The following EBF1 variants were observed in gnomAD, a reference collection of about 807,000 sequenced individuals.
EBF1 encodes EBF transcription factor 1.
EBF1 carries 10 observed loss-of-function variants against 68.4 expected under a neutral mutation model. That is an observed-to-expected ratio of 0.15 (90% CI 0.09 to 0.25). The LOEUF (loss-of-function observed/expected upper bound fraction) is 0.25, where lower values mean the gene tolerates loss of function less well. Among genes scored for constraint, EBF1 ranks in the 10% least tolerant of loss-of-function variants. The pLI, the probability that EBF1 is intolerant of heterozygous loss-of-function variation, is 1.00. For missense variants in EBF1, 509 were observed against 794.4 expected (o/e 0.64, Z 4.32); for synonymous variants, 298 against 299.8 (o/e 0.99, Z 0.06).
At chr5:158,711,275 T>G (rs1035531035) in intron 14 of EBF1, among the ~76,000 whole-genome samples, 1 of 152,194 alleles carries the variant, frequency 6.6e-6, no homozygotes, top group Non-Finnish European at 1.5e-5. Context: ...TTTTATTCCA[T>G]TGGAATTTTT....
intron 6 of EBF1, among the ~76,000 whole-genome samples, chr5:158,875,280 G>C (rs149320471): frequency 6.6e-6 from 1 of 152,262 alleles, no homozygotes; most frequent in East Asian, 1.9e-4. Flanking sequence ...GAGGAAGAAG[G>C]ACAAACAATT....
At chr5:158,851,304 G>A (rs1792595568) in intron 6 of EBF1, among the ~76,000 whole-genome samples, 1 of 146,246 alleles carries the variant, frequency 6.8e-6, no homozygotes, top group Non-Finnish European at 1.5e-5. Flanking sequence ...GAACCTAGGA[G>A]GTAGAAGTTG....
At chr5:158,937,060 C>T (rs1812169900) in intron 6 of EBF1, among the ~76,000 whole-genome samples, 1 of 151,862 alleles carries the variant, frequency 6.6e-6, no homozygotes, top group Non-Finnish European at 1.5e-5. Context: ...TCATTTCAGT[C>T]TCTCGGTGGC....
chr5:158,802,720 A>T (rs1446453634), intron 8 of EBF1, among the ~76,000 whole-genome samples: 1 of 152,178 alleles, frequency 6.6e-6, no homozygotes, highest in Non-Finnish European at 1.5e-5. Flanking sequence ...ACCTTGAAAC[A>T]GTCTCTTACC....
chr5:159,076,555 A>G (rs1296799871), intron 5 of EBF1, among the ~76,000 whole-genome samples: 2 of 152,202 alleles, frequency 1.3e-5, no homozygotes, highest in African/African-American at 4.8e-5. Flanking sequence ...AGAAGGAAAT[A>G]TAGAAATGAA....
chr5:158,727,382 A>G (rs971113610), intron 11 of EBF1, among the ~76,000 whole-genome samples: 3 of 152,154 alleles, frequency 2.0e-5, no homozygotes, highest in African/African-American at 7.2e-5. Flanking sequence ...TCCTTGCCCA[A>G]TGTGTCTGGA....
chr5:158,761,894 C>T (rs917929722), intron 10 of EBF1, among the ~76,000 whole-genome samples: 10 of 152,012 alleles, frequency 6.6e-5, no homozygotes, highest in African/African-American at 2.4e-4. Flanking sequence ...ATGTAAAAGC[C>T]TATGGAACTT....
In EBF1 at chr5:158,897,559, T is replaced by G. The variant is rs142411307; in HGVS notation, c.555-57449A>C. 5.7e-3 allele frequency among the ~76,000 whole-genome samples: 873 copies of G among 152,118 alleles called. 8 individuals are homozygous for G. Among genetic ancestry groups the G allele is most frequent in the African/African-American group, 0.02 (826 of 41,480 alleles). On this transcript the variant is annotated intron_variant, in intron 6 of 15. Coordinates refer to ENST00000313708, the MANE Select transcript of EBF1 (RefSeq NM_024007.5). The stretch of plus-strand genomic sequence containing the variant: ...AACAAACCTGCACATCCTGCACATG[T>G]GGCCCTGAACTTAAACGTTAAAAAA...
intron 6 of EBF1, among the ~76,000 whole-genome samples, chr5:158,856,237 G>A (rs1793979209): frequency 6.6e-6 from 1 of 152,210 alleles, no homozygotes. Flanking sequence ...TCGTGAGAGA[G>A]CACTGGGTCT....
At position 158,757,357 on chromosome 5, in the gene EBF1, T is replaced by C. The variant is rs182446579; in HGVS notation, c.1036+20056A>G. ...CCCTTCTACTGCATCAAGTCAGACT[T>C]TAACTGTCTCTCATTACAAGAGTCA... is the stretch of plus-strand genomic sequence containing the variant. On this transcript the variant is annotated intron_variant, in intron 10 of 15. Coordinates refer to ENST00000313708, the MANE Select transcript of EBF1 (RefSeq NM_024007.5). 5.9e-3 allele frequency among the ~76,000 whole-genome samples: 906 copies of C among 152,288 alleles called. 6 individuals carry two copies. Among genetic ancestry groups the C allele is most frequent in the Non-Finnish European group, 0.011 (739 of 68,016 alleles).
chr5:158,928,098 G>GA (rs1397622921), intron 6 of EBF1, among the ~76,000 whole-genome samples: 1 of 152,176 alleles, frequency 6.6e-6, no homozygotes, highest in African/African-American at 2.4e-5. Flanking sequence ...GAAACCATAT[G>GA]ATGGTTAATT....
intron 6 of EBF1, among the ~76,000 whole-genome samples, chr5:159,011,484 G>A (rs1302386384): frequency 3.9e-5 from 6 of 152,176 alleles, no homozygotes; most frequent in African/African-American, 1.2e-4. Flanking sequence ...AATTAAGAGT[G>A]TGTTTGTGTT....
chr5:158,988,734 T>G (rs1759658173), intron 6 of EBF1, among the ~76,000 whole-genome samples: 1 of 152,168 alleles, frequency 6.6e-6, no homozygotes, highest in Admixed American at 6.5e-5. Flanking sequence ...TGACAAGAAG[T>G]GCATAGCCTG....
chr5:158,906,888 A>T (rs1804769284), intron 6 of EBF1, among the ~76,000 whole-genome samples: 1 of 152,242 alleles, frequency 6.6e-6, no homozygotes, highest in African/African-American at 2.4e-5. Context: ...GACCAGGGAG[A>T]TAAGATGTAC....
At chr5:158,884,421 C>T (rs958951849) in intron 6 of EBF1, among the ~76,000 whole-genome samples, 3 of 152,182 alleles carry the variant, frequency 2.0e-5, no homozygotes, top group Non-Finnish European at 4.4e-5. Context: ...TCACTTTTCT[C>T]ATCTGTAAAA....
intron 6 of EBF1, chr5:158,983,043 G>A (rs1758218511): frequency 6.6e-6 from 1 of 152,106 alleles, no homozygotes; most frequent in Non-Finnish European, 1.5e-5. Context: ...CCATCTTGGG[G>A]GCTCCTGACT....
At chr5:158,799,744 C>T (rs1292994624) in intron 8 of EBF1, among the ~76,000 whole-genome samples, 1 of 152,164 alleles carries the variant, frequency 6.6e-6, no homozygotes, top group African/African-American at 2.4e-5. Flanking sequence ...GGAAAGGTGA[C>T]AGCACTGCTC....
At chr5:158,740,333 T>C (rs781264701) in intron 10 of EBF1, among the ~76,000 whole-genome samples, 16 of 152,168 alleles carry the variant, frequency 1.1e-4, no homozygotes, top group Non-Finnish European at 1.9e-4. Context: ...CTTGTGATTG[T>C]TAATATCATG....
chr5:158,836,497 A>G (rs1788840293), intron 7 of EBF1, among the ~76,000 whole-genome samples: 1 of 152,190 alleles, frequency 6.6e-6, no homozygotes, highest in Non-Finnish European at 1.5e-5. Context: ...TAATACAGAG[A>G]GAGGTAGGAG....
Sources: allele counts gnomAD v4.1 joint callset (sites outside exome capture counted in the v4.1 genomes callset), GRCh38; gene constraint gnomAD v4.1.1; transcripts MANE v1.5; gene names NCBI Gene and HGNC (gene_info 2026-07-23, HGNC 2026-07-21).